The following MREG variants were observed in gnomAD, a reference collection of about 807,000 sequenced individuals.
The protein encoded by MREG is melanoregulin, also known as dilute suppressor protein homolog.
MREG carries 31 observed loss-of-function variants against 28.5 expected under a neutral mutation model. The observed-to-expected ratio is 1.09, with a 90% CI of 0.82 to 1.47. The LOEUF is 1.47. MREG is among the 40% of genes most tolerant of loss of function. The probability of loss-of-function intolerance (pLI) is 0.00; values close to 1 mark genes in which losing one functional copy is unlikely to be tolerated. For synonymous variants in MREG, 106 were observed against 95.2 expected, an observed-to-expected ratio of 1.11 and a Z score of -0.66; for missense variants, 256 against 257.4, an observed-to-expected ratio of 0.99 and a Z score of 0.04.
chr2:216,025,051 A>C (rs1362665564), intron 1 of MREG, among the ~76,000 whole-genome samples: 1 of 152,206 alleles, frequency 6.6e-6, no homozygotes, highest in African/African-American at 2.4e-5. Context: ...ATGAACTGGC[A>C]TAACAGTTTG....
chr2:215,944,792 G>T lies in MREG; in HGVS notation c.*71C>A. On this transcript the variant is annotated 3_prime_UTR_variant, in exon 5 of 5. Coordinates refer to ENST00000263268, the MANE Select transcript of MREG (RefSeq NM_018000.3). ...TCTATTTGCTCACTCTCTTCTACAT[G>T]TAATTGTCCAACTTTGGTTGACTGC... The T allele has an allele frequency of 6.9e-7, 1 of 1,450,534 alleles. No homozygotes were observed. Among genetic ancestry groups the T allele is most frequent in the Non-Finnish European group, 9.4e-7 (1 of 1,068,422 alleles). The allele number at this position is 1,450,534 out of a possible 1,614,324, so 89.9% of individuals were successfully genotyped here.
chr2:216,009,102 C>T (rs917983164), intron 1 of MREG, among the ~76,000 whole-genome samples: 1 of 152,092 alleles, frequency 6.6e-6, no homozygotes, highest in East Asian at 1.9e-4. Flanking sequence ...AGTTAGGTTC[C>T]TGTGAGCCGA....
At chr2:215,946,951 A>G (rs1415277460) in intron 3 of MREG, 72 bp downstream of exon 3, 14 of 890,368 alleles carry the variant, frequency 1.6e-5, no homozygotes, top group African/African-American at 5.0e-5. Context: ...TATAAAAACC[A>G]TGGTGGAGAA....
At chr2:216,011,407 C>T (rs373374879) in intron 1 of MREG, among the ~76,000 whole-genome samples, 5 of 152,190 alleles carry the variant, frequency 3.3e-5, no homozygotes, top group African/African-American at 9.6e-5. Flanking sequence ...TTAATAACTA[C>T]AATTTATTGA....
At chr2:216,024,943 G>T (rs1694573144) in intron 1 of MREG, among the ~76,000 whole-genome samples, 2 of 140,358 alleles carry the variant, frequency 1.4e-5, no homozygotes, top group Non-Finnish European at 1.5e-5. Flanking sequence ...GAAAGGAAGG[G>T]AAAGGAAGGG....
chr2:215,975,626 C>T (rs866057062), intron 2 of MREG, among the ~76,000 whole-genome samples: 1 of 152,162 alleles, frequency 6.6e-6, no homozygotes, highest in African/African-American at 2.4e-5. Context: ...ACAGTCCATT[C>T]GGGCAGAGAT....
At chr2:216,030,645 C>T (rs556080970) in intron 1 of MREG, among the ~76,000 whole-genome samples, 2 of 151,814 alleles carry the variant, frequency 1.3e-5, no homozygotes, top group Non-Finnish European at 1.5e-5. Flanking sequence ...CAGGTTCAAG[C>T]GATTCTTGTG....
intron 2 of MREG, among the ~76,000 whole-genome samples, chr2:215,980,210 G>A (rs1405604719): frequency 6.6e-6 from 1 of 152,092 alleles, no homozygotes; most frequent in Non-Finnish European, 1.5e-5. Context: ...CTCCTGGAGG[G>A]CCCCAACTTG....
intron 1 of MREG, among the ~76,000 whole-genome samples, chr2:216,019,291 T>C (rs1217016599): frequency 1.3e-5 from 2 of 152,142 alleles, no homozygotes; most frequent in Admixed American, 6.5e-5. Context: ...AAAAGGGTAA[T>C]TGTGATGAGA....
chr2:215,949,134 A>G (rs1299869865), intron 2 of MREG, among the ~76,000 whole-genome samples: 3 of 151,160 alleles, frequency 2.0e-5, no homozygotes, highest in African/African-American at 7.3e-5. Flanking sequence ...GTGGTGGCAC[A>G]CACCTGTAAT....
chr2:215,960,903 A>T (rs1028720140), intron 2 of MREG, among the ~76,000 whole-genome samples: 2 of 152,154 alleles, frequency 1.3e-5, no homozygotes, highest in Non-Finnish European at 2.9e-5. Flanking sequence ...CAAGGAGGGC[A>T]CCCTCTTCCG....
rs1311548693 is a variant in MREG, at chr2:215,996,353, G to C, written c.208C>G (p.Leu70Val). The C allele has an allele frequency of 6.2e-7, 1 of 1,613,880 alleles. No individual in the cohort carries two copies. Among genetic ancestry groups the C allele is most frequent in the Admixed American group, 1.7e-5 (1 of 59,996 alleles). Residue 70 changes from leucine (L) to valine (V), a missense_variant, in exon 2 of 5, where the codon CTG (leucine) becomes GTG (valine). Coordinates refer to ENST00000263268, the MANE Select transcript of MREG (RefSeq NM_018000.3). The part of the protein sequence containing the change: ...SHTEADDDRT[L>V]YNLIVIRNQQ... Reference sequence around the variant, plus strand: ...TTACGAATGACTATCAAATTGTACAGGGTTCTGTCGTCGTCTGCCTCTGTG... The same window carrying C: ...TTACGAATGACTATCAAATTGTACACGGTTCTGTCGTCGTCTGCCTCTGTG...
upstream of MREG, among the ~76,000 whole-genome samples, chr2:216,016,976 T>C (rs556687350): frequency 7.2e-5 from 11 of 152,348 alleles, no homozygotes; most frequent in South Asian, 8.3e-4. Context: ...TTCTAAAAAA[T>C]TGGAATATTA....
chr2:215,960,853 A>G (rs1692764194), intron 2 of MREG, among the ~76,000 whole-genome samples: 1 of 152,012 alleles, frequency 6.6e-6, no homozygotes, highest in Non-Finnish European at 1.5e-5. Context: ...AAAAATAATA[A>G]TAAAATAAAA....
At chr2:215,989,165 T>C (rs1411019842) in intron 2 of MREG, among the ~76,000 whole-genome samples, 1 of 152,114 alleles carries the variant, frequency 6.6e-6, no homozygotes, top group African/African-American at 2.4e-5. Context: ...ATCTGGTGGG[T>C]GCCCCTCTGG....
chr2:216,028,543 A>G (rs1320251119), intron 1 of MREG, among the ~76,000 whole-genome samples: 1 of 151,708 alleles, frequency 6.6e-6, no homozygotes, highest in East Asian at 1.9e-4. Context: ...AAAAAAAAAA[A>G]AAAAACCCAG....
chr2:215,967,226 T>A (rs994604253), intron 2 of MREG, among the ~76,000 whole-genome samples: 7 of 152,214 alleles, frequency 4.6e-5, no homozygotes, highest in African/African-American at 1.7e-4. Flanking sequence ...CTGAGACCTT[T>A]ACCTTGTCAG....
chr2:215,982,738 G>C (rs888513240), intron 2 of MREG, among the ~76,000 whole-genome samples: 18 of 152,190 alleles, frequency 1.2e-4, no homozygotes, highest in African/African-American at 4.1e-4. Flanking sequence ...TAGTCATGCA[G>C]GTTTCTGGGT....
upstream of MREG, among the ~76,000 whole-genome samples, chr2:216,017,259 C>G (rs1392401284): frequency 6.6e-6 from 1 of 152,140 alleles, no homozygotes; most frequent in African/African-American, 2.4e-5. Flanking sequence ...TGTTAGTATA[C>G]TAATACTACC....
Sources: gnomAD v4.1 joint callset for allele counts (sites outside exome capture counted in the v4.1 genomes callset) on GRCh38, gnomAD v4.1.1 for gene constraint, MANE v1.5 for transcripts, NCBI Gene and HGNC (gene_info 2026-07-23, HGNC 2026-07-21) for gene names.